ACTR8: variants seen among roughly 807,000 people sequenced by gnomAD.
The protein encoded by ACTR8 is actin related protein 8.
In ACTR8, 70 loss-of-function variants were observed where a neutral mutation model predicts 84.3. The observed-to-expected ratio is 0.83, with a 90% CI of 0.68 to 1.01. The LOEUF is 1.01. Among genes scored for constraint, ACTR8 ranks in the 50% least tolerant of loss-of-function variants. The probability of loss-of-function intolerance (pLI) is 0.00; values close to 1 mark genes in which losing one functional copy is unlikely to be tolerated. For synonymous variants in ACTR8, 268 were observed against 275.2 expected, an observed-to-expected ratio of 0.97 and a Z score of 0.26; for missense variants, 672 against 775.4, an observed-to-expected ratio of 0.87 and a Z score of 1.58.
chr3:53,868,702 TGAC>T lies in ACTR8; in HGVS notation c.*14_*16del. On this transcript the variant is annotated 3_prime_UTR_variant, in exon 13 of 13. Coordinates refer to ENST00000335754, the MANE Select transcript of ACTR8 (RefSeq NM_022899.5). ...GAAGCTTGTTTTTGGTCTTCGGCAG[TGAC>T]ATTTCCTCCCCATTCACCACACAAA... is the stretch of plus-strand genomic sequence containing the variant. 1 of 1,612,516 alleles carries T rather than the reference TGAC, an allele frequency of 6.2e-7. No individual in the cohort carries two copies. The highest frequency in any genetic ancestry group is 8.5e-7 in the Non-Finnish European group (1 of 1,179,318).
intron 12 of ACTR8, 150 bp from the exon 13 acceptor site, chr3:53,869,012 A>G: frequency 2.5e-6 from 3 of 1,181,404 alleles, no homozygotes; most frequent in Non-Finnish European, 3.5e-6. Context: ...GATTAAATAC[A>G]GGCTCACGCC....
chr3:53,876,170 G>A, intron 6 of ACTR8, 90 bp from the exon 7 acceptor site: 1 of 1,491,726 alleles, frequency 6.7e-7, no homozygotes, highest in Non-Finnish European at 9.1e-7. Flanking sequence ...GGGGAGCCTA[G>A]GGACCTCTGG....
intron 7 of ACTR8, 84 bp downstream of exon 7, chr3:53,875,864 T>C: frequency 2.6e-6 from 4 of 1,553,514 alleles, no homozygotes; most frequent in Non-Finnish European, 3.5e-6. Flanking sequence ...CTTATAATTT[T>C]TAACCTGTGA....
At chr3:53,867,010 G>A (rs747147656), downstream of ACTR8, 2 of 152,174 alleles carry the variant, frequency 1.3e-5, no homozygotes, top group Non-Finnish European at 2.9e-5. Flanking sequence ...GAAGCATAAA[G>A]TAAAAACTGT....
At position 53,867,788 on chromosome 3, in the gene ACTR8, T is replaced by C. The variant is rs980351966; in HGVS notation, c.*931A>G. On this transcript the variant is annotated 3_prime_UTR_variant, in exon 13 of 13. Coordinates refer to ENST00000335754, the MANE Select transcript of ACTR8 (RefSeq NM_022899.5). ...ACCACCAGTGGTAATAGCTGCATTA[T>C]TTAGATTTTGCTTCAGGATGCTCAG... is the stretch of plus-strand genomic sequence containing the variant. The C allele has an allele frequency of 3.3e-5, 5 of 152,240 alleles. No individual in the cohort carries two copies. Among genetic ancestry groups the C allele is most frequent in the African/African-American group, 1.2e-4 (5 of 41,448 alleles). 9.4% of individuals were successfully genotyped at this position (152,240 alleles called of 1,614,324 possible).
the ACTR8 span, chr3:53,859,160 T>G: frequency 1.1e-5 from 2 of 182,372 alleles, no homozygotes; most frequent in African/African-American, 2.3e-5. Context: ...AGAATGAATA[T>G]TTCACTATAT....
chr3:53,864,467 G>A (rs539023684), downstream of ACTR8, among the ~76,000 whole-genome samples: 14 of 152,232 alleles, frequency 9.2e-5, no homozygotes, highest in Admixed American at 3.3e-4. Flanking sequence ...CCCAGGAGGC[G>A]GAGGTTGTAG....
intron 9 of ACTR8, among the ~76,000 whole-genome samples, 195 bp from the exon 10 acceptor site, chr3:53,872,719 G>C (rs547841306): frequency 1.6e-4 from 25 of 152,290 alleles, no homozygotes; most frequent in African/African-American, 5.8e-4. Flanking sequence ...CATCCAACCA[G>C]ATGGGTGATA....
At chr3:53,864,892 C>T, downstream of ACTR8, 13 of 1,614,070 alleles carry the variant, frequency 8.1e-6, no homozygotes, top group Non-Finnish European at 1.0e-5. Flanking sequence ...TGAGGTCATC[C>T]TTGAAAAGTG....
chr3:53,865,751 T>G (rs1699762824), downstream of ACTR8: 1 of 154,872 alleles, frequency 6.5e-6, no homozygotes, highest in Non-Finnish European at 1.4e-5. Flanking sequence ...AAAAAATCAT[T>G]GTTTTTAAGA....
At chr3:53,864,978 C>T, downstream of ACTR8, 2 of 1,614,180 alleles carry the variant, frequency 1.2e-6, no homozygotes, top group Non-Finnish European at 1.7e-6. Flanking sequence ...ACAAAGTCGT[C>T]TTCCTTCTTT....
intron 6 of ACTR8, 119 bp from the exon 7 acceptor site, chr3:53,876,199 A>C: frequency 8.1e-7 from 1 of 1,240,776 alleles, no homozygotes; most frequent in Non-Finnish European, 1.1e-6. Flanking sequence ...TCTGAGGAAC[A>C]CTGATCCTTT....
intron 9 of ACTR8, 55 bp from the exon 10 acceptor site, chr3:53,872,579 T>G (rs1699900959): frequency 2.0e-6 from 3 of 1,501,270 alleles, no homozygotes; most frequent in Non-Finnish European, 2.7e-6. Context: ...TGAAAAAAAC[T>G]GATCCACTAA....
At chr3:53,866,400 C>A (rs1699779854), downstream of ACTR8, among the ~76,000 whole-genome samples, 1 of 152,160 alleles carries the variant, frequency 6.6e-6, no homozygotes, top group African/African-American at 2.4e-5. Flanking sequence ...AACGAAAAAA[C>A]CCCCACAGAA....
chr3:53,868,004 A>AC lies in ACTR8; in HGVS notation c.*714dup, dbSNP rs756517676. ...ATTTCTATTTGGCTTTAGGAAAAAA[A>AC]CAAGATTTCCTTTTCAGCATTTGTT... On this transcript the variant is annotated 3_prime_UTR_variant, in exon 13 of 13. Transcript: ENST00000335754. 3.9e-5 allele frequency: 6 copies of AC among 152,226 alleles called. No homozygotes were observed. Among genetic ancestry groups the AC allele is most frequent in the Non-Finnish European group, 8.8e-5 (6 of 68,044 alleles). 9.4% of individuals were successfully genotyped at this position (152,226 alleles called of 1,614,324 possible).
rs1269766199 is a variant in ACTR8 at position 53,871,368 on chromosome 3, C to T, written c.1431G>A (p.Gln477=). The T allele has an allele frequency of 6.2e-7, 1 of 1,614,242 alleles. No homozygotes were observed. The highest frequency in any genetic ancestry group is 1.7e-5 in the Admixed American group (1 of 60,030). ...HSQEVDLGSA[Q]GDGLMAGNDS... ...CGTTGCCGGCCATCAGGCCATCTCC[C>T]TGTGCAGACCCCAAATCTACCTCCT... Residue 477 remains glutamine (Q), a synonymous_variant, in exon 11 of 13, where the codon CAG becomes CAA. Coordinates refer to ENST00000335754, the MANE Select transcript of ACTR8 (RefSeq NM_022899.5).
intron 3 of ACTR8, 38 bp downstream of exon 3, chr3:53,878,319 G>A: frequency 2.9e-6 from 4 of 1,358,556 alleles, no homozygotes; most frequent in South Asian, 1.2e-5. Flanking sequence ...GATACCAATA[G>A]TGGTGATAAA....
At chr3:53,862,638 C>T (rs1399006252), downstream of ACTR8, among the ~76,000 whole-genome samples, 1 of 152,146 alleles carries the variant, frequency 6.6e-6, no homozygotes, top group Middle Eastern at 3.2e-3. Flanking sequence ...CTGCTGGAGA[C>T]GAGTGCTTCC....
chr3:53,862,019 C>G, the ACTR8 span, among the ~76,000 whole-genome samples: 3 of 152,322 alleles, frequency 2.0e-5, no homozygotes, highest in Admixed American at 2.0e-4. Flanking sequence ...AAAAGATAAA[C>G]ACCAGCTGCC....
Sources: gnomAD v4.1 joint callset for allele counts (sites outside exome capture counted in the v4.1 genomes callset) on GRCh38, gnomAD v4.1.1 for gene constraint, MANE v1.5 for transcripts, NCBI Gene and HGNC (gene_info 2026-07-23, HGNC 2026-07-21) for gene names.